The following BEND2 variants were observed in gnomAD, a reference collection of about 807,000 sequenced individuals.
The protein encoded by BEND2 is BEN domain-containing protein 2.
In BEND2, 19 loss-of-function variants were observed where a neutral mutation model predicts 43.8. The ratio of observed to expected loss-of-function variants is 0.43; its 90% CI spans 0.30 to 0.64. BEND2 has a LOEUF of 0.64. Among genes scored for constraint, BEND2 ranks in the 30% least tolerant of loss-of-function variants. The pLI, the probability that BEND2 is intolerant of heterozygous loss-of-function variation, is 0.11. For missense variants in BEND2, 544 were observed against 574.0 expected (o/e 0.95, Z 0.53); for synonymous variants, 226 against 210.1 (o/e 1.08, Z -0.66).
At chrX:18,187,138 T>C (rs762523344) in intron 8 of BEND2, among the ~76,000 whole-genome samples, 1 of 109,862 alleles carries the variant, frequency 9.1e-6, no homozygotes, top group African/African-American at 3.3e-5. Flanking sequence ...CAGGAAAAAG[T>C]CCCAACTTAC....
Position 18,203,605 on chromosome X carries a change from C to T in BEND2, c.803G>A (p.Ser268Asn). The T allele has an allele frequency of 8.3e-7, 1 of 1,210,907 alleles. No homozygotes were observed. The highest frequency in any genetic ancestry group is 1.1e-6 in the Non-Finnish European group (1 of 894,797). The change falls in exon 5 of 14, where the codon AGT (serine) becomes AAT (asparagine). Residue 268 changes from serine to asparagine, a missense_variant. Physicochemically the swap from Ser to Asn is conservative, Grantham distance 46. This residue lies in a region of BEND2 where 501 missense variants were observed against 501.6 expected (regional missense o/e 1.00). Coordinates refer to ENST00000380033, the MANE Select transcript of BEND2 (RefSeq NM_153346.5). ...PMAVLSRRES[S>N]LANNPGVVNY... ...CACCACACCAGGGTTATTTGCCAGA[C>T]TGGATTCTCTTCGTGACAGAACTGC...
intron 4 of BEND2, among the ~76,000 whole-genome samples, chrX:18,210,114 C>A (rs1317218751): frequency 9.1e-6 from 1 of 109,860 alleles, no homozygotes; most frequent in Non-Finnish European, 1.9e-5. Context: ...CTTCAGAGCT[C>A]ATTGTCTAAT....
intron 1 of BEND2, 85 bp from the exon 2 acceptor site, chrX:18,216,818 ATTGT>A (rs1322429070): frequency 1.4e-6 from 1 of 736,168 alleles, no homozygotes; most frequent in African/African-American, 2.1e-5. Flanking sequence ...AAAGTTATAG[ATTGT>A]TTAAAAAACA....
chrX:18,216,806 A>C lies in BEND2; in HGVS notation c.26-73T>G. 1.2e-5 allele frequency: 10 copies of C among 804,779 alleles called. No individual in the cohort carries two copies. The South Asian group carries it at 2.4e-4, about 19-fold the overall frequency. 66.3% of individuals were successfully genotyped at this position (804,779 alleles called of 1,213,427 possible). On this transcript the variant is annotated intron_variant, in intron 1 of 13. Coordinates refer to ENST00000380033, the MANE Select transcript of BEND2 (RefSeq NM_153346.5). ...AACAGTTTCTTGAGGAAGCTACCTT[A>C]TAAAGTTATAGATTGTTTAAAAAAC...
rs1923748559 is a variant in BEND2 at position 18,163,584 on chromosome X, T to C, written c.*1425A>G. 8.9e-6 allele frequency: 1 copy of C among 112,113 alleles called. No homozygotes were observed. Among genetic ancestry groups the C allele is most frequent in the African/African-American group, 3.2e-5 (1 of 30,876 alleles). The allele number at this position is 112,113 out of a possible 1,213,427, so 9.2% of individuals were successfully genotyped here. On this transcript the variant is annotated 3_prime_UTR_variant, in exon 14 of 14. Coordinates refer to ENST00000380033, the MANE Select transcript of BEND2 (RefSeq NM_153346.5). ...CTAAATAACTTCTAAAAACCACTAA[T>C]GTAATAAAGTTAGCAATAGAAGTCT...
rs1925153947 is a variant in BEND2, at chrX:18,201,422, A to AC, written c.1033+392_1033+393insG. ...AAAAAAAAAAAAAAAAAAAAACAAA[A>AC]AAAAAAAAACTGGTGGATCAAGGTT... On this transcript the variant is annotated intron_variant, in intron 6 of 13. Transcript: ENST00000380033. 9.7e-4 allele frequency among the ~76,000 whole-genome samples: 79 copies of AC among 81,574 alleles called. 1 individual carries two copies. The highest frequency in any genetic ancestry group is 3.2e-3 in the African/African-American group (72 of 22,444). The allele number at this position is 81,574 out of a possible 115,157, so 70.8% of individuals were successfully genotyped here.
At chrX:18,177,835 C>A in intron 9 of BEND2, 66 bp from the exon 10 acceptor site, 1 of 902,313 alleles carries the variant, frequency 1.1e-6, no homozygotes, top group South Asian at 2.2e-5. Context: ...TCAAAGTACA[C>A]AAGAGAATTA....
rs1923772506 is a variant in BEND2, at chrX:18,164,543, G to C, written c.*466C>G. 8.9e-6 allele frequency: 1 copy of C among 112,188 alleles called. No homozygotes were observed. The highest frequency in any genetic ancestry group is 3.3e-5 in the African/African-American group (1 of 30,741). 9.2% of individuals were successfully genotyped at this position (112,188 alleles called of 1,213,427 possible). A position where few individuals can be genotyped will look rare whatever the true frequency, so the allele number is the denominator to read the frequency against. Reference sequence around the variant, plus strand: ...TACTCTAAAAGTTGAATTTTGAAAAGATAACTTTGAAAATATGTATTCATT... The same window carrying C: ...TACTCTAAAAGTTGAATTTTGAAAACATAACTTTGAAAATATGTATTCATT... On this transcript the variant is annotated 3_prime_UTR_variant, in exon 14 of 14. Transcript: ENST00000380033.
chrX:18,220,869 C>T lies in BEND2; in HGVS notation c.-119G>A, dbSNP rs999738820. 264 of 847,010 alleles carry T rather than the reference C, an allele frequency of 3.1e-4. No individual in the cohort carries two copies. Among genetic ancestry groups the T allele is most frequent in the Non-Finnish European group, 3.9e-4 (238 of 607,036 alleles). 69.8% of individuals were successfully genotyped at this position (847,010 alleles called of 1,213,427 possible). ...TAACTGTGTGGTAACTGCGTACACT[C>T]GTTGTCCGAGGCACAATGAGGCCCG... is the stretch of plus-strand genomic sequence containing the variant. On this transcript the variant is annotated 5_prime_UTR_variant, in exon 1 of 14. Transcript: ENST00000380033.
At chrX:18,173,172 G>T (rs1924028709) in intron 12 of BEND2, among the ~76,000 whole-genome samples, 1 of 111,104 alleles carries the variant, frequency 9.0e-6, no homozygotes, top group African/African-American at 3.3e-5. Flanking sequence ...CTGAGTCAGG[G>T]TTAGAGATAT....
chrX:18,166,149 T>A (rs1923816691), intron 13 of BEND2, among the ~76,000 whole-genome samples: 1 of 112,067 alleles, frequency 8.9e-6, no homozygotes, highest in Non-Finnish European at 1.9e-5. Context: ...CCTGCTAACA[T>A]TTTATTAACC....
chrX:18,194,880 C>T (rs1268966657), intron 7 of BEND2, among the ~76,000 whole-genome samples: 1 of 109,732 alleles, frequency 9.1e-6, no homozygotes, highest in East Asian at 2.9e-4. Flanking sequence ...AAAGGTAACA[C>T]AACAGTGCCT....
intron 8 of BEND2, among the ~76,000 whole-genome samples, chrX:18,182,221 G>A (rs761090832): frequency 9.0e-6 from 1 of 110,832 alleles, no homozygotes; most frequent in South Asian, 3.9e-4. Flanking sequence ...GAGAGTGAGT[G>A]ACTTCTCATG....
chrX:18,166,594 A>G (rs1171063373), intron 13 of BEND2, among the ~76,000 whole-genome samples: 1 of 111,507 alleles, frequency 9.0e-6, no homozygotes, highest in Admixed American at 9.6e-5. Context: ...AGATTTAGGC[A>G]GGCTTCATGG....
At chrX:18,180,783 TTC>T in intron 8 of BEND2, 133 bp from the exon 9 acceptor site, 2 of 484,955 alleles carry the variant, frequency 4.1e-6, no homozygotes, top group Non-Finnish European at 6.7e-6. Context: ...CTTTTTTTTT[TTC>T]TTTCTTTCTT....
chrX:18,193,082 C>T (rs1924825221), intron 7 of BEND2, among the ~76,000 whole-genome samples: 4 of 111,894 alleles, frequency 3.6e-5, no homozygotes, highest in South Asian at 3.7e-4. Flanking sequence ...TTTGGGAGGC[C>T]GAAGTGGGCA....
chrX:18,203,576 A>G lies in BEND2; in HGVS notation c.832T>C (p.Tyr278His), dbSNP rs1925233674. ...TTTTCATTTTCTGGTAGAGCAGAGT[A>G]ATTCACCACACCAGGGTTATTTGCC... ...SLANNPGVVN[Y>H]SALPENENVG... Residue 278 changes from tyrosine to histidine, a missense_variant, in exon 5 of 14, where the codon TAC becomes CAC. By Grantham distance (83) the Tyr-to-His change is moderately conservative. Transcript: ENST00000380033. The G allele has an allele frequency of 8.3e-7, 1 of 1,210,797 alleles. No homozygotes were observed.
intron 7 of BEND2, among the ~76,000 whole-genome samples, chrX:18,192,670 T>G (rs1924809377): frequency 8.9e-6 from 1 of 112,552 alleles, no homozygotes; most frequent in Non-Finnish European, 1.9e-5. Flanking sequence ...ACTTTACTTG[T>G]AATAGTCAAA....
At chrX:18,191,170 A>T (rs974746455) in intron 7 of BEND2, 62 bp from the exon 8 acceptor site, 13 of 878,458 alleles carry the variant, frequency 1.5e-5, no homozygotes, top group Non-Finnish European at 2.1e-5. Context: ...AAGAAATCTC[A>T]ACCATGTTTT....
Sources: gnomAD v4.1 joint callset for allele counts (sites outside exome capture counted in the v4.1 genomes callset) on GRCh38, gnomAD v4.1.1 for gene constraint, gnomAD v4.1.1 regional missense constraint, MANE v1.5 for transcripts, NCBI Gene and HGNC (gene_info 2026-07-23, HGNC 2026-07-21) for gene names.